Variants in CEP112 observed in about 807,000 individuals in gnomAD.
CEP112 encodes centrosomal protein 112.
A neutral mutation model predicts 153.0 loss-of-function variants in CEP112; 127 were observed. The ratio of observed to expected loss-of-function variants is 0.83; its 90% CI spans 0.72 to 0.96. The LOEUF is 0.96. Among genes scored for constraint, CEP112 ranks in the 40% least tolerant of loss-of-function variants. CEP112 has a pLI of 0.00. For missense variants in CEP112, 1,089 were observed against 1,101.2 expected, an observed-to-expected ratio of 0.99 and a Z score of 0.16; for synonymous variants, 358 against 374.4, an observed-to-expected ratio of 0.96 and a Z score of 0.51.
intron 18 of CEP112, among the ~76,000 whole-genome samples, chr17:65,932,098 C>T (rs546942399): frequency 6.6e-6 from 1 of 152,312 alleles, no homozygotes; most frequent in South Asian, 2.1e-4. Context: ...GCAGCCTAGC[C>T]AATGGTCTCA....
In CEP112 at chr17:66,182,180, G is replaced by C. The variant is rs563488437; in HGVS notation, c.106+1014C>G. On this transcript the variant is annotated intron_variant, in intron 2 of 26. Transcript: ENST00000535342. The stretch of plus-strand genomic sequence containing the variant: ...ATACAATAAGATATTTTGAAAGAAA[G>C]AGGGAAATTACTTTCACACAATTTT... The C allele has an allele frequency of 2.0e-5, 3 of 152,304 alleles. No homozygotes were observed. The South Asian group carries it at 6.2e-4, about 32-fold the overall frequency. The allele number at this position is 152,304 out of a possible 1,614,324, so 9.4% of individuals were successfully genotyped here.
At chr17:65,786,759 T>A (rs919056312) in intron 21 of CEP112, among the ~76,000 whole-genome samples, 2 of 151,964 alleles carry the variant, frequency 1.3e-5, no homozygotes, top group Non-Finnish European at 2.9e-5. Context: ...ACGACCTTTT[T>A]ATTTTTACTA....
At chr17:66,086,380 C>CTTTTCTTTTTTTTTTTTT (rs2067931452) in intron 8 of CEP112, among the ~76,000 whole-genome samples, 1 of 67,026 alleles carries the variant, frequency 1.5e-5, no homozygotes, top group African/African-American at 6.4e-5. Flanking sequence ...ATTTTCTTTT[C>CTTTTCTTTTTTTTTTTTT]TTTTTTTTTT....
At chr17:65,890,929 G>A (rs774508493) in intron 20 of CEP112, among the ~76,000 whole-genome samples, 5 of 152,124 alleles carry the variant, frequency 3.3e-5, no homozygotes, top group Admixed American at 1.3e-4. Flanking sequence ...GGTAAGATGC[G>A]TCCTCTGTCT....
At chr17:65,697,790 T>G (rs1003186347) in intron 23 of CEP112, among the ~76,000 whole-genome samples, 18 of 152,170 alleles carry the variant, frequency 1.2e-4, no homozygotes, top group African/African-American at 4.1e-4. Flanking sequence ...AGATTTCTTT[T>G]AAAGCGATTT....
At chr17:65,904,597 A>G (rs1208980343) in intron 19 of CEP112, among the ~76,000 whole-genome samples, 1 of 152,210 alleles carries the variant, frequency 6.6e-6, no homozygotes, top group Non-Finnish European at 1.5e-5. Context: ...AATTAGAAAA[A>G]ACTACTTTAA....
At chr17:66,150,971 GAA>G (rs1221693590) in intron 4 of CEP112, among the ~76,000 whole-genome samples, 1 of 151,958 alleles carries the variant, frequency 6.6e-6, no homozygotes, top group Admixed American at 6.6e-5. Flanking sequence ...TCCTTGTTGT[GAA>G]AGTCTATTTT....
At chr17:66,149,401 G>A (rs973396669) in intron 4 of CEP112, among the ~76,000 whole-genome samples, 1 of 152,154 alleles carries the variant, frequency 6.6e-6, no homozygotes, top group Admixed American at 6.5e-5. Flanking sequence ...GTTTGAAGAG[G>A]GATTGGCATT....
intron 23 of CEP112, among the ~76,000 whole-genome samples, chr17:65,702,205 C>T (rs758997952): frequency 1.6e-4 from 24 of 152,064 alleles, no homozygotes; most frequent in African/African-American, 4.6e-4. Flanking sequence ...CTCCACTCTA[C>T]GTCCTGATTT....
intron 12 of CEP112, 120 bp from the exon 13 acceptor site, chr17:66,030,143 C>A (rs1174428499): frequency 3.5e-5 from 27 of 763,028 alleles, no homozygotes; most frequent in Non-Finnish European, 4.9e-5. Flanking sequence ...GTATCATAAA[C>A]CATGGTAGTA....
intron 2 of CEP112, among the ~76,000 whole-genome samples, chr17:66,179,997 T>A (rs74531840): frequency 0.041 from 6,306 of 152,298 alleles, 170 homozygotes; most frequent in East Asian, 0.072. Flanking sequence ...TGGATTGATT[T>A]GCATCTGTTG....
intron 5 of CEP112, 132 bp from the exon 6 acceptor site, chr17:66,129,955 G>C: frequency 2.1e-6 from 1 of 466,250 alleles, no homozygotes; most frequent in Non-Finnish European, 3.8e-6. Context: ...AGTAAAAAAG[G>C]AAAAAAGGAA....
At chr17:66,097,731 AAAGT>A (rs1295507533) in intron 6 of CEP112, among the ~76,000 whole-genome samples, 1 of 152,224 alleles carries the variant, frequency 6.6e-6, no homozygotes, top group East Asian at 1.9e-4. Context: ...GCCTTTCAAT[AAAGT>A]ATTTATTGCA....
chr17:66,040,444 A>C (rs1214347560), intron 12 of CEP112, among the ~76,000 whole-genome samples: 1 of 151,376 alleles, frequency 6.6e-6, no homozygotes, highest in Non-Finnish European at 1.5e-5. Context: ...TATTGAATAA[A>C]GGAATTGCAG....
intron 23 of CEP112, among the ~76,000 whole-genome samples, chr17:65,700,412 G>C (rs937235098): frequency 6.6e-6 from 1 of 152,184 alleles, no homozygotes; most frequent in Non-Finnish European, 1.5e-5. Flanking sequence ...ACAAACGCCA[G>C]GGAAAGTTTA....
At chr17:65,950,389 A>T (rs913766874) in intron 18 of CEP112, among the ~76,000 whole-genome samples, 12 of 152,208 alleles carry the variant, frequency 7.9e-5, no homozygotes, top group African/African-American at 2.4e-4. Context: ...ACTTACTTAG[A>T]TCTTTTTAAC....
rs79104085 is a variant in CEP112, at chr17:66,191,207, T to C, written c.-9+790A>G. On this transcript the variant is annotated intron_variant, in intron 1 of 26. Transcript: ENST00000535342. This position sits in a 1 kb window ranked among gnomAD's most constrained non-coding sequence, Gnocchi z 4.2. ...TGAAGTCACTGACCTAGGTTCTTAG[T>C]GGACAGTGACAGCTGGGCCTGAACA... Among the ~76,000 whole-genome samples the C allele has an allele frequency of 6.6e-6, 1 of 152,286 alleles. No homozygotes were observed. The highest frequency in any genetic ancestry group is 6.5e-5 in the Admixed American group (1 of 15,292).
intron 4 of CEP112, among the ~76,000 whole-genome samples, chr17:66,168,421 GTGTATATATA>G (rs2072077605): frequency 7.1e-6 from 1 of 141,338 alleles, no homozygotes; most frequent in African/African-American, 2.5e-5. Flanking sequence ...GTGTGTGTGT[GTGTATATATA>G]TGTATATATA....
intron 8 of CEP112, among the ~76,000 whole-genome samples, chr17:66,073,218 C>A (rs1435252383): frequency 6.6e-6 from 1 of 152,102 alleles, no homozygotes; most frequent in South Asian, 2.1e-4. Context: ...ATGAGATAAC[C>A]ATTCTCAAGT....
Sources: allele counts gnomAD v4.1 joint callset (sites outside exome capture counted in the v4.1 genomes callset), GRCh38; gene constraint gnomAD v4.1.1; non-coding constraint Gnocchi (gnomAD v3.1); transcripts MANE v1.5; gene names NCBI Gene and HGNC (gene_info 2026-07-23, HGNC 2026-07-21).